The following PPP1CB variants were observed in gnomAD, a reference collection of about 807,000 sequenced individuals.
PPP1CB encodes the protein serine/threonine-protein phosphatase PP1-beta catalytic subunit.
A neutral mutation model predicts 43.7 loss-of-function variants in PPP1CB; 2 were observed. The ratio of observed to expected loss-of-function variants is 0.05; its 90% CI spans 0.02 to 0.14. The LOEUF (loss-of-function observed/expected upper bound fraction) is 0.14, where lower values mean the gene tolerates loss of function less well. Among genes scored for constraint, PPP1CB ranks in the 10% least tolerant of loss-of-function variants. PPP1CB has a pLI of 1.00. For missense variants in PPP1CB, 84 were observed against 398.0 expected, an observed-to-expected ratio of 0.21 and a Z score of 6.71; for synonymous variants, 136 against 135.6, an observed-to-expected ratio of 1.00 and a Z score of -0.02.
chr2:28,774,210 A>G (rs755823444), intron 1 of PPP1CB, among the ~76,000 whole-genome samples: 13 of 152,242 alleles, frequency 8.5e-5, no homozygotes, highest in Non-Finnish European at 1.8e-4. Context: ...TTAAATTGAC[A>G]TATTGAAGTG....
intron 7 of PPP1CB, 92 bp downstream of exon 7, chr2:28,794,089 G>A: frequency 9.5e-7 from 1 of 1,056,198 alleles, no homozygotes; most frequent in South Asian, 1.6e-5. Context: ...CCTTGAGCAA[G>A]TGTTGAAAGT....
At chr2:28,786,396 GA>G (rs1392607845) in intron 5 of PPP1CB, among the ~76,000 whole-genome samples, 4 of 152,116 alleles carry the variant, frequency 2.6e-5, no homozygotes, top group Admixed American at 2.0e-4. Flanking sequence ...TTACAGGCGT[GA>G]GCCACCATAC....
chr2:28,794,658 G>T (rs925851855), intron 7 of PPP1CB, among the ~76,000 whole-genome samples: 2 of 151,954 alleles, frequency 1.3e-5, no homozygotes, highest in African/African-American at 4.8e-5. Flanking sequence ...ACCACTGCAC[G>T]CTAGCCTGGG....
chr2:28,778,744 TC>T, intron 2 of PPP1CB, 64 bp from the exon 3 acceptor site: 1 of 1,009,952 alleles, frequency 9.9e-7, no homozygotes, highest in Non-Finnish European at 1.5e-6. Context: ...ACATTGGGAA[TC>T]ATTTCATAGA....
intron 6 of PPP1CB, 91 bp from the exon 7 acceptor site, chr2:28,793,772 C>A: frequency 7.1e-7 from 1 of 1,412,122 alleles, no homozygotes; most frequent in Non-Finnish European, 9.7e-7. Flanking sequence ...TGAGGTGGGG[C>A]ACAGTCTTTG....
At chr2:28,765,248 CTG>C (rs1666753725) in intron 1 of PPP1CB, among the ~76,000 whole-genome samples, 1 of 152,188 alleles carries the variant, frequency 6.6e-6, no homozygotes, top group East Asian at 1.9e-4. Flanking sequence ...TTAATGTTCT[CTG>C]TCATCAAAAC....
At chr2:28,776,231 G>T (rs1227913336) in intron 1 of PPP1CB, among the ~76,000 whole-genome samples, 1 of 149,046 alleles carries the variant, frequency 6.7e-6, no homozygotes, top group Non-Finnish European at 1.5e-5. Context: ...TTTTGTGTGT[G>T]TTTTTTTTGT....
intron 6 of PPP1CB, among the ~76,000 whole-genome samples, chr2:28,790,727 G>C (rs1375228343): frequency 6.6e-6 from 1 of 152,188 alleles, no homozygotes; most frequent in African/African-American, 2.4e-5. Flanking sequence ...ACTTGAGTGT[G>C]TAGAGGTAAA....
At chr2:28,777,241 C>T (rs148253090) in intron 2 of PPP1CB, 108 of 200,862 alleles carry the variant, frequency 5.4e-4, no homozygotes, top group African/African-American at 2.4e-3. Context: ...AAAGGCGATA[C>T]AGTATAAAAA....
intron 2 of PPP1CB, among the ~76,000 whole-genome samples, chr2:28,778,106 A>G (rs1667079023): frequency 6.6e-6 from 1 of 152,242 alleles, no homozygotes; most frequent in African/African-American, 2.4e-5. Flanking sequence ...TTAGAATTAA[A>G]GTATTCTTTG....
At position 28,785,657 on chromosome 2, in the gene PPP1CB, AT is replaced by A. The variant is rs368074680; in HGVS notation, c.592+1690del. Among the ~76,000 whole-genome samples the A allele has an allele frequency of 2.6e-3, 388 of 149,502 alleles. 4 individuals are homozygous for A. The highest frequency in any genetic ancestry group is 9.1e-3 in the African/African-American group (371 of 40,780). ...ACCCATCTCTACAGAGAAAAAAAAA[AT>A]TTTTTTTTTTAATTAGCCACATGTC... On this transcript the variant is annotated intron_variant, in intron 5 of 7. Coordinates refer to ENST00000395366, the MANE Select transcript of PPP1CB (RefSeq NM_002709.3).
At chr2:28,782,437 C>T (rs562823818) in intron 4 of PPP1CB, 1 of 152,922 alleles carries the variant, frequency 6.5e-6, no homozygotes, top group East Asian at 1.9e-4. Context: ...TGCTAAGATA[C>T]ATTTATGAAA....
At chr2:28,764,269 G>A (rs1666730930) in intron 1 of PPP1CB, among the ~76,000 whole-genome samples, 1 of 151,722 alleles carries the variant, frequency 6.6e-6, no homozygotes, top group African/African-American at 2.4e-5. Context: ...GACCATCCTA[G>A]CTAACATGCT....
intron 1 of PPP1CB, among the ~76,000 whole-genome samples, chr2:28,774,556 G>T (rs1666990205): frequency 6.6e-6 from 1 of 152,104 alleles, no homozygotes; most frequent in South Asian, 2.1e-4. Context: ...CTCCCAAGTA[G>T]CTGAGATTAC....
intron 1 of PPP1CB, among the ~76,000 whole-genome samples, chr2:28,764,345 A>C (rs1362700641): frequency 6.6e-6 from 1 of 151,582 alleles, no homozygotes; most frequent in Non-Finnish European, 1.5e-5. Context: ...CTATAATCCC[A>C]GCTACTCGGG....
chr2:28,802,159 T>G lies in PPP1CB; in HGVS notation c.*2856T>G, dbSNP rs1667632705. The G allele has an allele frequency of 6.6e-6, 1 of 152,192 alleles. No homozygotes were observed. Among genetic ancestry groups the G allele is most frequent in the Non-Finnish European group, 1.5e-5 (1 of 68,040 alleles). The allele number at this position is 152,192 out of a possible 1,614,324, so 9.4% of individuals were successfully genotyped here. A position where few individuals can be genotyped will look rare whatever the true frequency, so the allele number is the denominator to read the frequency against. On this transcript the variant is annotated 3_prime_UTR_variant, in exon 8 of 8. Transcript: ENST00000395366. Reference sequence around the variant, plus strand: ...AAACATAGGCTTTTCAAAAAAATTTTTATTCAAGGCAAAGCAAGGAACATC... The same window carrying G: ...AAACATAGGCTTTTCAAAAAAATTTGTATTCAAGGCAAAGCAAGGAACATC...
At chr2:28,788,623 T>G in intron 5 of PPP1CB, 35 bp from the exon 6 acceptor site, 4 of 1,596,846 alleles carry the variant, frequency 2.5e-6, no homozygotes, top group Middle Eastern at 1.7e-4. Flanking sequence ...ATCTGTAAAT[T>G]TTGTTCTTAA....
chr2:28,755,431 C>T (rs373859698), intron 1 of PPP1CB, among the ~76,000 whole-genome samples: 5 of 152,236 alleles, frequency 3.3e-5, no homozygotes, highest in South Asian at 4.2e-4. Context: ...ATTATTTGGA[C>T]GGTGCATATT....
intron 2 of PPP1CB, 54 bp from the exon 3 acceptor site, chr2:28,778,755 A>C: frequency 9.0e-7 from 1 of 1,111,712 alleles, no homozygotes; most frequent in South Asian, 1.3e-5. Context: ...CATTTCATAG[A>C]AGCTGCTTAT....
Sources: allele counts gnomAD v4.1 joint callset (sites outside exome capture counted in the v4.1 genomes callset), GRCh38; gene constraint gnomAD v4.1.1; transcripts MANE v1.5; gene names NCBI Gene and HGNC (gene_info 2026-07-23, HGNC 2026-07-21).